The following CFAP299 variants were observed in gnomAD, a reference collection of about 807,000 sequenced individuals.
The protein encoded by CFAP299 is cilia- and flagella-associated protein 299.
In CFAP299, 21 loss-of-function variants were observed where a neutral mutation model predicts 27.0. The observed-to-expected ratio is 0.78, with a 90% CI of 0.55 to 1.12. The LOEUF is 1.12. Among genes scored for constraint, CFAP299 ranks in the 50% most tolerant of loss-of-function variants. CFAP299 has a pLI of 0.00. For missense variants in CFAP299, 310 were observed against 276.6 expected (o/e 1.12, Z -0.86); for synonymous variants, 104 against 98.1 (o/e 1.06, Z -0.36).
At chr4:80,734,692 A>G (rs771595148) in intron 3 of CFAP299, among the ~76,000 whole-genome samples, 2 of 152,110 alleles carry the variant, frequency 1.3e-5, no homozygotes, top group Non-Finnish European at 2.9e-5. Context: ...ATGGATATCC[A>G]ATTTTCCCAG....
intron 2 of CFAP299, among the ~76,000 whole-genome samples, chr4:80,452,169 A>G (rs1728935330): frequency 1.3e-5 from 2 of 152,148 alleles, no homozygotes; most frequent in East Asian, 1.9e-4. Flanking sequence ...CTGCCAGGTC[A>G]TATTTGGTGT....
At chr4:80,793,306 T>C (rs992346748) in intron 3 of CFAP299, among the ~76,000 whole-genome samples, 1 of 151,974 alleles carries the variant, frequency 6.6e-6, no homozygotes, top group Non-Finnish European at 1.5e-5. Context: ...GCTAGGCCAG[T>C]CTAGCCTTTT....
At chr4:80,637,342 A>AT (rs1429149106) in intron 3 of CFAP299, among the ~76,000 whole-genome samples, 2 of 152,100 alleles carry the variant, frequency 1.3e-5, no homozygotes, top group Non-Finnish European at 2.9e-5. Context: ...TAGACATGCA[A>AT]TTTTTTTCCT....
intron 5 of CFAP299, 56 bp downstream of exon 5, chr4:80,944,995 C>T (rs1331382691): frequency 6.7e-7 from 1 of 1,491,626 alleles, no homozygotes; most frequent in African/African-American, 1.4e-5. Flanking sequence ...TGTATTTCTG[C>T]CACTATTCAA....
chr4:80,812,030 C>T (rs919297727), intron 3 of CFAP299, among the ~76,000 whole-genome samples: 8 of 151,842 alleles, frequency 5.3e-5, no homozygotes, highest in Non-Finnish European at 1.0e-4. Flanking sequence ...ATAGCGGACA[C>T]GTAGTTTCAA....
At position 80,893,899 on chromosome 4, in the gene CFAP299, C is replaced by T. The variant is rs563497932; in HGVS notation, c.476+23764C>T. Among the ~76,000 whole-genome samples, 7 of 151,640 alleles carry T rather than the reference C, an allele frequency of 4.6e-5. No homozygotes were observed. The East Asian group carries it at 5.8e-4, about 13-fold the overall frequency. On this transcript the variant is annotated intron_variant, in intron 4 of 5. Coordinates refer to ENST00000358105, the MANE Select transcript of CFAP299 (RefSeq NM_152770.3). ...CTAACAAAAGCTTCTGCATAGCAAA[C>T]GAAACAATCAGCAGAATAAAGACAC...
intron 3 of CFAP299, among the ~76,000 whole-genome samples, chr4:80,651,355 T>TTTC (rs10648953): frequency 0.068 from 10,051 of 147,110 alleles, 761 homozygotes; most frequent in African/African-American, 0.18. Flanking sequence ...TTCTTCTTTC[T>TTTC]TTCTTCTTCT....
chr4:80,827,026 G>A (rs1225427770), intron 3 of CFAP299, among the ~76,000 whole-genome samples: 1 of 151,596 alleles, frequency 6.6e-6, no homozygotes, highest in Non-Finnish European at 1.5e-5. Flanking sequence ...AATGAAAACA[G>A]CATACCAAAA....
intron 4 of CFAP299, among the ~76,000 whole-genome samples, chr4:80,919,435 T>C (rs1735929629): frequency 6.6e-6 from 1 of 152,194 alleles, no homozygotes; most frequent in Non-Finnish European, 1.5e-5. Context: ...CTGCACATTA[T>C]AATTCAAGTG....
intron 4 of CFAP299, among the ~76,000 whole-genome samples, chr4:80,915,865 T>C (rs1046598649): frequency 1.3e-5 from 2 of 152,120 alleles, no homozygotes; most frequent in Non-Finnish European, 2.9e-5. Context: ...CTTCTTACCA[T>C]ATAAATTTTT....
chr4:80,476,856 T>A (rs1411102513), intron 2 of CFAP299, among the ~76,000 whole-genome samples: 3 of 152,056 alleles, frequency 2.0e-5, no homozygotes, highest in Non-Finnish European at 4.4e-5. Context: ...GGCTCTTCCT[T>A]AAGGATACTG....
chr4:80,869,036 A>C (rs1732920205), intron 3 of CFAP299, among the ~76,000 whole-genome samples: 1 of 151,902 alleles, frequency 6.6e-6, no homozygotes, highest in African/African-American at 2.4e-5. Flanking sequence ...ATTATGAAAT[A>C]TTGAGAATTA....
intron 3 of CFAP299, among the ~76,000 whole-genome samples, chr4:80,681,787 A>G (rs1218794379): frequency 6.6e-6 from 1 of 152,198 alleles, no homozygotes; most frequent in African/African-American, 2.4e-5. Context: ...AAAGTCTTCT[A>G]AGCCCATGAA....
At chr4:80,458,959 C>G (rs971858127) in intron 2 of CFAP299, among the ~76,000 whole-genome samples, 3 of 151,268 alleles carry the variant, frequency 2.0e-5, no homozygotes, top group African/African-American at 7.3e-5. Flanking sequence ...GATGGGACTT[C>G]TTTTTTTTTA....
intron 3 of CFAP299, among the ~76,000 whole-genome samples, chr4:80,775,621 T>G (rs1440239174): frequency 6.6e-6 from 1 of 151,742 alleles, no homozygotes; most frequent in East Asian, 1.9e-4. Flanking sequence ...AACTTGAAAG[T>G]TTACTAAAAA....
At chr4:80,798,350 A>G (rs988766750) in intron 3 of CFAP299, among the ~76,000 whole-genome samples, 1 of 152,126 alleles carries the variant, frequency 6.6e-6, no homozygotes, top group East Asian at 1.9e-4. Flanking sequence ...TGAGTCAGGA[A>G]GGGGATATTG....
At chr4:80,766,866 TAG>T (rs1560740782) in intron 3 of CFAP299, among the ~76,000 whole-genome samples, 1 of 152,338 alleles carries the variant, frequency 6.6e-6, no homozygotes, top group Non-Finnish European at 1.5e-5. Flanking sequence ...ATCTTAAGTA[TAG>T]AGAGTCAATT....
At chr4:80,373,519 G>A (rs1724256974) in intron 2 of CFAP299, among the ~76,000 whole-genome samples, 1 of 152,046 alleles carries the variant, frequency 6.6e-6, no homozygotes, top group Non-Finnish European at 1.5e-5. Context: ...TACTGGAATG[G>A]CTGCCTTCAA....
chr4:80,440,896 A>G (rs899098424), intron 2 of CFAP299, among the ~76,000 whole-genome samples: 4 of 152,242 alleles, frequency 2.6e-5, no homozygotes, highest in Non-Finnish European at 5.9e-5. Context: ...ACACAGCATG[A>G]GAACTTCATG....
Sources: gnomAD v4.1 joint callset for allele counts (sites outside exome capture counted in the v4.1 genomes callset) on GRCh38, gnomAD v4.1.1 for gene constraint, MANE v1.5 for transcripts, NCBI Gene and HGNC (gene_info 2026-07-23, HGNC 2026-07-21) for gene names.